Variants in DNAAF9 observed in about 807,000 individuals in gnomAD.
DNAAF9 encodes shulin.
In DNAAF9, 90 loss-of-function variants were observed where a neutral mutation model predicts 167.0. The ratio of observed to expected loss-of-function variants is 0.54; its 90% CI spans 0.45 to 0.64. The LOEUF is 0.64. Among genes scored for constraint, DNAAF9 ranks in the 30% least tolerant of loss-of-function variants. The pLI, the probability that DNAAF9 is intolerant of heterozygous loss-of-function variation, is 0.00. For synonymous variants in DNAAF9, 491 were observed against 508.8 expected (o/e 0.96, Z 0.47); for missense variants, 1,315 against 1,442.2 (o/e 0.91, Z 1.43).
chr20:3,262,843 A>C (rs1032959427), intron 31 of DNAAF9, among the ~76,000 whole-genome samples: 1 of 152,056 alleles, frequency 6.6e-6, no homozygotes, highest in Non-Finnish European at 1.5e-5. Flanking sequence ...CCACTTACTC[A>C]CTGTTTAAGT....
At chr20:3,328,663 C>T (rs1015228764) in intron 12 of DNAAF9, among the ~76,000 whole-genome samples, 5 of 152,088 alleles carry the variant, frequency 3.3e-5, no homozygotes, top group African/African-American at 1.2e-4. Context: ...GGCTAAGCAG[C>T]GCTGGCACAG....
chr20:3,294,818 C>A (rs1600724209), intron 23 of DNAAF9, among the ~76,000 whole-genome samples, 189 bp from the exon 24 acceptor site: 1 of 151,850 alleles, frequency 6.6e-6, no homozygotes, highest in South Asian at 2.1e-4. Context: ...GAAAGGTTGG[C>A]CTGAAATCCC....
At chr20:3,281,578 C>A in intron 28 of DNAAF9, 63 bp downstream of exon 28, 1 of 1,476,898 alleles carries the variant, frequency 6.8e-7, no homozygotes. Flanking sequence ...AAAGATCTGT[C>A]TTCTTCTGGT....
intron 9 of DNAAF9, among the ~76,000 whole-genome samples, chr20:3,343,308 G>A (rs771939472): frequency 3.3e-5 from 5 of 151,910 alleles, no homozygotes; most frequent in African/African-American, 4.8e-5. Flanking sequence ...GATTACAGGC[G>A]CATGCCACCA....
intron 23 of DNAAF9, chr20:3,295,705 T>C: frequency 1.7e-6 from 1 of 581,506 alleles, no homozygotes; most frequent in Non-Finnish European, 3.4e-6. Flanking sequence ...CCTGCAACCG[T>C]CCCCTTTTAT....
chr20:3,342,525 A>T (rs1166866794), intron 9 of DNAAF9, among the ~76,000 whole-genome samples: 1 of 152,130 alleles, frequency 6.6e-6, no homozygotes, highest in Non-Finnish European at 1.5e-5. Flanking sequence ...TGATGACTCT[A>T]TCCTCTATCT....
At chr20:3,330,711 CAA>C in intron 11 of DNAAF9, 29 bp from the exon 12 acceptor site, 1 of 1,503,530 alleles carries the variant, frequency 6.7e-7, no homozygotes, top group Non-Finnish European at 9.2e-7. Flanking sequence ...AAGAATGTGA[CAA>C]GAGCACAGGA....
chr20:3,294,691 A>C, intron 23 of DNAAF9, 62 bp from the exon 24 acceptor site: 1 of 1,070,492 alleles, frequency 9.3e-7, no homozygotes, highest in Non-Finnish European at 1.4e-6. Context: ...CACTTTACAC[A>C]ACTGGGCCTG....
chr20:3,302,184 C>T (rs768785380), intron 21 of DNAAF9, among the ~76,000 whole-genome samples: 4 of 152,160 alleles, frequency 2.6e-5, no homozygotes, highest in Non-Finnish European at 4.4e-5. Flanking sequence ...GGTGATCCAC[C>T]TGCTCCAGTC....
intron 10 of DNAAF9, among the ~76,000 whole-genome samples, chr20:3,338,715 C>T (rs2070018261): frequency 6.9e-6 from 1 of 143,886 alleles, no homozygotes; most frequent in African/African-American, 2.6e-5. Context: ...TGCAATGGTG[C>T]GATCTCAGCT....
chr20:3,380,791 G>C (rs2083638754), intron 3 of DNAAF9, among the ~76,000 whole-genome samples: 1 of 152,232 alleles, frequency 6.6e-6, no homozygotes. Context: ...TGTGATATCA[G>C]AGATAGCTCC....
intron 10 of DNAAF9, among the ~76,000 whole-genome samples, chr20:3,336,258 G>GTTT (rs367718705): frequency 0.069 from 7,840 of 113,198 alleles, 538 homozygotes; most frequent in African/African-American, 0.11. Flanking sequence ...TTGCGTTTTT[G>GTTT]TTTTTTTTTT....
chr20:3,382,666 T>G (rs1290966564), intron 1 of DNAAF9, among the ~76,000 whole-genome samples, 160 bp from the exon 2 acceptor site: 2 of 152,164 alleles, frequency 1.3e-5, no homozygotes, highest in African/African-American at 2.4e-5. Context: ...ATAAAATGGA[T>G]TGGGAAGGTT....
At chr20:3,373,402 C>G (rs1423218555) in intron 6 of DNAAF9, among the ~76,000 whole-genome samples, 1 of 152,208 alleles carries the variant, frequency 6.6e-6, no homozygotes, top group Non-Finnish European at 1.5e-5. Context: ...TGCTGCTAAC[C>G]TATCAAGCCA....
chr20:3,381,040 T>C (rs972043543), intron 3 of DNAAF9, among the ~76,000 whole-genome samples: 1 of 152,202 alleles, frequency 6.6e-6, no homozygotes, highest in African/African-American at 2.4e-5. Flanking sequence ...CTGAAGGTGC[T>C]TTCACAGGAC....
chr20:3,297,910 G>A (rs2069109800), intron 22 of DNAAF9, 119 bp downstream of exon 22: 5 of 788,926 alleles, frequency 6.3e-6, no homozygotes, highest in East Asian at 4.9e-5. Context: ...ACACCATCCA[G>A]CCCTCCTAAC....
At chr20:3,265,975 C>T (rs192520713) in intron 30 of DNAAF9, among the ~76,000 whole-genome samples, 169 of 152,262 alleles carry the variant, frequency 1.1e-3, no homozygotes, top group African/African-American at 3.7e-3. Context: ...TCACTGCACC[C>T]GGCCTAAATT....
chr20:3,268,942 C>T (rs1361965720), intron 30 of DNAAF9, among the ~76,000 whole-genome samples: 2 of 118,440 alleles, frequency 1.7e-5, no homozygotes, highest in Non-Finnish European at 1.7e-5. Flanking sequence ...CTCTGTTGCC[C>T]AGGCTGGCTG....
At chr20:3,294,317 T>C (rs974596767) in intron 24 of DNAAF9, 61 bp from the exon 25 acceptor site, 2 of 1,142,930 alleles carry the variant, frequency 1.7e-6, no homozygotes, top group Non-Finnish European at 2.6e-6. Flanking sequence ...AGGTGCCTAC[T>C]CACATGAAAA....
Sources: allele counts gnomAD v4.1 joint callset (sites outside exome capture counted in the v4.1 genomes callset), GRCh38; gene constraint gnomAD v4.1.1; transcripts MANE v1.5; gene names NCBI Gene and HGNC (gene_info 2026-07-23, HGNC 2026-07-21).